The following MEGF6 variants were observed in gnomAD, a reference collection of about 807,000 sequenced individuals.
MEGF6 encodes multiple epidermal growth factor-like domains protein 6.
MEGF6 carries 184 observed loss-of-function variants against 207.1 expected under a neutral mutation model. The observed-to-expected ratio is 0.89, with a 90% confidence interval of 0.79 to 1.00. The LOEUF is 1.00. Among genes scored for constraint, MEGF6 ranks in the 50% least tolerant of loss-of-function variants. The probability of loss-of-function intolerance (pLI) is 0.00; values close to 1 mark genes in which losing one functional copy is unlikely to be tolerated. For synonymous variants in MEGF6, 1,038 were observed against 910.0 expected (o/e 1.14, Z -2.53); for missense variants, 2,282 against 2,202.9 (o/e 1.04, Z -0.72).
rs1335669440 is a variant in MEGF6, at chr1:3,501,841, G to A, written c.2269C>T (p.Gln757Ter). ...GGAPCHGVTG[Q>*]CRCPPGRTGE... The stretch of plus-strand genomic sequence containing the variant: ...GTCCTCCCCGGCGGACACCGGCACT[G>A]CCCCGTGACCCCGTGGCAGGGGGCC... Residue 757 changes from glutamine (Q) to a stop codon, truncating the protein, a stop_gained, in exon 18 of 37, where the codon CAG (glutamine) becomes TAG (stop). Coordinates refer to ENST00000356575, the MANE Select transcript of MEGF6 (RefSeq NM_001409.4). LOFTEE classifies it high-confidence loss of function. The A allele has an allele frequency of 3.7e-6, 6 of 1,608,120 alleles. No homozygotes were observed. The highest frequency in any genetic ancestry group is 2.7e-5 in the African/African-American group (2 of 74,552).
rs1015461958 is a variant in MEGF6 at position 3,602,752 on chromosome 1, C to T, written c.132-152G>A. The T allele has an allele frequency of 9.9e-6, 12 of 1,209,298 alleles. No homozygotes were observed. In the African/African-American group the frequency reaches 1.7e-4, roughly 17 times the overall value. The allele number at this position is 1,209,298 out of a possible 1,614,324, so 74.9% of individuals were successfully genotyped here. On this transcript the variant is annotated intron_variant, in intron 1 of 36. Transcript: ENST00000356575. Reference sequence around the variant, plus strand: ...ACGGCACAGTGCCCATGCCAGTGCCCCAGGCCAGCCGTGGGACCCAGGCTT... The same window carrying T: ...ACGGCACAGTGCCCATGCCAGTGCCTCAGGCCAGCCGTGGGACCCAGGCTT...
intron 3 of MEGF6, among the ~76,000 whole-genome samples, chr1:3,587,541 G>A (rs1375548658): frequency 6.6e-6 from 1 of 152,218 alleles, no homozygotes; most frequent in East Asian, 1.9e-4. Context: ...CGTGTGGAGC[G>A]GCGGGAGCCT....
chr1:3,490,750 C>A (rs1007768726), intron 36 of MEGF6, among the ~76,000 whole-genome samples, 161 bp from the exon 37 acceptor site: 16 of 152,148 alleles, frequency 1.1e-4, no homozygotes, highest in African/African-American at 3.6e-4. Context: ...TCCTTCCCAG[C>A]TCTGGCCCCA....
chr1:3,555,241 G>A (rs1253132549), intron 4 of MEGF6, among the ~76,000 whole-genome samples: 3 of 140,444 alleles, frequency 2.1e-5, no homozygotes, highest in African/African-American at 5.3e-5. Context: ...CAAGCAGGAG[G>A]AGCTGGGCAC....
intron 27 of MEGF6, 41 bp from the exon 28 acceptor site, chr1:3,497,160 C>A (rs1640644886): frequency 6.5e-7 from 1 of 1,546,474 alleles, no homozygotes; most frequent in Non-Finnish European, 8.7e-7. Flanking sequence ...CCCAGCCCCG[C>A]CAAGGAACAG....
chr1:3,571,107 A>C (rs1643482314), intron 4 of MEGF6, among the ~76,000 whole-genome samples: 1 of 152,074 alleles, frequency 6.6e-6, no homozygotes, highest in Admixed American at 6.5e-5. Context: ...GGACACAGAG[A>C]GAGGGTCTGG....
At chr1:3,590,101 C>T (rs1471439975) in intron 3 of MEGF6, among the ~76,000 whole-genome samples, 2 of 152,196 alleles carry the variant, frequency 1.3e-5, no homozygotes, top group African/African-American at 2.4e-5. Flanking sequence ...CAGCACAGCC[C>T]GTATGAGGAG....
chr1:3,491,130 G>GC (rs1224650717), intron 35 of MEGF6, among the ~76,000 whole-genome samples, 171 bp from the exon 36 acceptor site: 2 of 84,178 alleles, frequency 2.4e-5, no homozygotes, highest in Admixed American at 1.2e-4. Flanking sequence ...GCGGGAGCTG[G>GC]GGGGGGGGGC....
intron 4 of MEGF6, chr1:3,531,052 G>A (rs769597864): frequency 2.0e-5 from 27 of 1,356,082 alleles, no homozygotes; most frequent in Middle Eastern, 2.4e-4. Flanking sequence ...GGCCCCGCCC[G>A]CCCTGCCCAG....
chr1:3,597,057 G>A (rs577596118), intron 2 of MEGF6, among the ~76,000 whole-genome samples: 7 of 152,270 alleles, frequency 4.6e-5, no homozygotes, highest in East Asian at 3.9e-4. Flanking sequence ...GTCGGCCCGC[G>A]GACCCCGCAG....
chr1:3,492,709 C>T lies in MEGF6; in HGVS notation c.4446G>A (p.Gly1482=). ...SCTLHCDCGG[G]ADCDPVSGQC... Reference sequence around the variant, plus strand: ...GCCCACTGACAGGGTCGCAGTCAGCCCCACCCCCGCAGTCACAGTGCAGGG... The same window carrying T: ...GCCCACTGACAGGGTCGCAGTCAGCTCCACCCCCGCAGTCACAGTGCAGGG... The change falls in exon 35 of 37, where the codon GGG becomes GGA. Residue 1482 remains glycine (G), a synonymous_variant. Coordinates refer to ENST00000356575, the MANE Select transcript of MEGF6 (RefSeq NM_001409.4). 1 of 1,612,654 alleles carries T rather than the reference C, an allele frequency of 6.2e-7. No homozygotes were observed.
chr1:3,567,605 C>T (rs969372295), intron 4 of MEGF6, among the ~76,000 whole-genome samples: 2 of 152,206 alleles, frequency 1.3e-5, no homozygotes, highest in African/African-American at 4.8e-5. Context: ...CCACAGGTCC[C>T]GTTTGCCGGG....
intron 3 of MEGF6, among the ~76,000 whole-genome samples, 175 bp downstream of exon 3, chr1:3,595,163 C>T (rs533837728): frequency 5.3e-5 from 8 of 152,356 alleles, no homozygotes; most frequent in South Asian, 4.1e-4. Context: ...CTGCCAGCCT[C>T]GCTGACGTCG....
chr1:3,590,643 G>A (rs1367354930), intron 3 of MEGF6, among the ~76,000 whole-genome samples: 2 of 152,196 alleles, frequency 1.3e-5, no homozygotes, highest in Non-Finnish European at 2.9e-5. Flanking sequence ...TCCACGGCCG[G>A]GTGTCCAGGT....
intron 2 of MEGF6, among the ~76,000 whole-genome samples, chr1:3,597,258 G>A (rs1312277450): frequency 6.6e-6 from 1 of 152,194 alleles, no homozygotes; most frequent in Non-Finnish European, 1.5e-5. Context: ...TGCTTCCCCA[G>A]AGCATGGGTC....
intron 2 of MEGF6, among the ~76,000 whole-genome samples, chr1:3,600,957 C>T (rs961626898): frequency 4.6e-5 from 7 of 152,156 alleles, no homozygotes; most frequent in Non-Finnish European, 7.4e-5. Flanking sequence ...GGCCACCTTT[C>T]GGGAGGGAGG....
At position 3,501,921 on chromosome 1, in the gene MEGF6, T is replaced by C; in HGVS notation, c.2189A>G (p.Glu730Gly). Residue 730 changes from glutamate (E) to glycine (G), a missense_variant and splice_region_variant, in exon 18 of 37, where the codon GAG (glutamate) becomes GGG (glycine). Physicochemically the swap from Glu to Gly is moderately conservative, Grantham distance 98 (BLOSUM62 -2). Transcript: ENST00000356575. ...AGFQGEDCGQ[E>G]CPVGTFGVNC... ...CACGCCAAACGTCCCCACCGGGCAC[T>C]CTGCAGGAGAAAGCACGAGGGGCCT... is the stretch of plus-strand genomic sequence containing the variant. 1 of 1,596,116 alleles carries C rather than the reference T, an allele frequency of 6.3e-7. No homozygotes were observed. Among genetic ancestry groups the C allele is most frequent in the East Asian group, 2.3e-5 (1 of 43,142 alleles).
the MEGF6 span, among the ~76,000 whole-genome samples, chr1:3,624,015 G>T: frequency 6.6e-6 from 1 of 152,090 alleles, no homozygotes; most frequent in African/African-American, 2.4e-5. Flanking sequence ...ATTCTAAACC[G>T]TCCATCTTTA....
chr1:3,614,122 C>T (rs557694747), upstream of MEGF6, among the ~76,000 whole-genome samples: 1 of 152,314 alleles, frequency 6.6e-6, no homozygotes, highest in East Asian at 1.9e-4. Flanking sequence ...GTGGTCTTCC[C>T]CCACTGCGCT....
Sources: allele counts gnomAD v4.1 joint callset (sites outside exome capture counted in the v4.1 genomes callset), GRCh38; gene constraint gnomAD v4.1.1; transcripts MANE v1.5; gene names NCBI Gene and HGNC (gene_info 2026-07-23, HGNC 2026-07-21).